The following AK4 variants were observed in gnomAD, a reference collection of about 807,000 sequenced individuals.
AK4 encodes adenylate kinase 4, mitochondrial.
A neutral mutation model predicts 24.6 loss-of-function variants in AK4; 13 were observed. That is an observed-to-expected ratio of 0.53 (90% CI 0.34 to 0.84). AK4 has a LOEUF of 0.84. Among genes scored for constraint, AK4 ranks in the 40% least tolerant of loss-of-function variants. The pLI is 0.01. For synonymous variants in AK4, 88 were observed against 107.0 expected (o/e 0.82, Z 1.10); for missense variants, 192 against 288.2 (o/e 0.67, Z 2.42).
intron 2 of AK4, among the ~76,000 whole-genome samples, chr1:65,216,097 A>T (rs1345945876): frequency 6.6e-6 from 1 of 152,040 alleles, no homozygotes; most frequent in Non-Finnish European, 1.5e-5. Flanking sequence ...ATTATGTATA[A>T]ATTATTTATT....
intron 1 of AK4, among the ~76,000 whole-genome samples, chr1:65,163,720 C>T (rs1453630558): frequency 6.6e-6 from 1 of 152,198 alleles, no homozygotes; most frequent in Non-Finnish European, 1.5e-5. Context: ...CCACGTAGAG[C>T]TGGCTGTACG....
chr1:65,155,492 G>A (rs913733645), intron 1 of AK4, among the ~76,000 whole-genome samples: 1 of 151,988 alleles, frequency 6.6e-6, no homozygotes, highest in Non-Finnish European at 1.5e-5. Flanking sequence ...ATAAAAAAAT[G>A]AAAAATATTT....
chr1:65,167,620 A>G (rs982529415), intron 1 of AK4, among the ~76,000 whole-genome samples: 3 of 152,198 alleles, frequency 2.0e-5, no homozygotes, highest in African/African-American at 7.2e-5. Context: ...AACACTATGC[A>G]TAACAATGAA....
At chr1:65,159,296 C>G (rs1650077331) in intron 1 of AK4, among the ~76,000 whole-genome samples, 1 of 152,222 alleles carries the variant, frequency 6.6e-6, no homozygotes, top group African/African-American at 2.4e-5. Flanking sequence ...AATTCCCACA[C>G]AGATCTCCAG....
In AK4 at chr1:65,148,286, G is replaced by A. The variant is rs1649633179; in HGVS notation, c.-122G>A. ...TCTCCTTCCCCCTGTAGGGGCGGCC[G>A]GCGAGTCCCAGTGAGAGCGGAGGGT... On this transcript the variant is annotated 5_prime_UTR_variant, in exon 1 of 5. Transcript: ENST00000327299. The A allele has an allele frequency of 1.5e-6, 2 of 1,352,348 alleles. No individual in the cohort carries two copies. Among genetic ancestry groups the A allele is most frequent in the Non-Finnish European group, 2.0e-6 (2 of 1,021,906 alleles). 83.8% of individuals were successfully genotyped at this position (1,352,348 alleles called of 1,614,324 possible).
chr1:65,184,280 T>A (rs1651013641), intron 1 of AK4, among the ~76,000 whole-genome samples: 1 of 152,228 alleles, frequency 6.6e-6, no homozygotes. Flanking sequence ...TCTATCTTTC[T>A]CTCTATATGA....
chr1:65,200,543 T>A (rs78458778), intron 2 of AK4, among the ~76,000 whole-genome samples: 342 of 152,296 alleles, frequency 2.2e-3, no homozygotes, highest in African/African-American at 8.0e-3. Context: ...ACTGCCATCT[T>A]CTTACACACT....
At chr1:65,214,763 G>A (rs539763782) in intron 2 of AK4, among the ~76,000 whole-genome samples, 26 of 152,232 alleles carry the variant, frequency 1.7e-4, no homozygotes, top group African/African-American at 4.8e-4. Flanking sequence ...TTTCCTTAGA[G>A]GTAAGATACT....
chr1:65,190,885 C>A, intron 2 of AK4, 56 bp downstream of exon 2: 14 of 1,586,350 alleles, frequency 8.8e-6, no homozygotes, highest in Non-Finnish European at 1.2e-5. Flanking sequence ...TAAGGTCTTG[C>A]ACACTCCCTT....
intron 1 of AK4, among the ~76,000 whole-genome samples, chr1:65,156,895 C>T (rs962911926): frequency 6.9e-6 from 1 of 144,886 alleles, no homozygotes; most frequent in African/African-American, 2.6e-5. Context: ...CACTGCACTC[C>T]AGCCTGGACG....
chr1:65,164,869 A>G (rs1650280036), intron 1 of AK4, among the ~76,000 whole-genome samples: 1 of 152,210 alleles, frequency 6.6e-6, no homozygotes, highest in African/African-American at 2.4e-5. Context: ...TCTGACTCAC[A>G]TTTTGAATAG....
intron 1 of AK4, among the ~76,000 whole-genome samples, chr1:65,162,489 T>C: frequency 6.6e-6 from 1 of 152,132 alleles, no homozygotes; most frequent in Non-Finnish European, 1.5e-5. Flanking sequence ...TTTTATTTTT[T>C]ATACGTAACA....
At chr1:65,157,284 G>T (rs1355381173) in intron 1 of AK4, among the ~76,000 whole-genome samples, 4 of 152,184 alleles carry the variant, frequency 2.6e-5, no homozygotes, top group Non-Finnish European at 5.9e-5. Flanking sequence ...GTCCCCTGTT[G>T]ATTGGAATTC....
chr1:65,218,361 G>A (rs565317265), intron 2 of AK4, among the ~76,000 whole-genome samples: 1 of 152,308 alleles, frequency 6.6e-6, no homozygotes, highest in East Asian at 1.9e-4. Context: ...AAGGACTAGA[G>A]CCAGGACTGG....
chr1:65,149,223 A>G (rs1382280072), intron 1 of AK4: 1 of 152,396 alleles, frequency 6.6e-6, no homozygotes, highest in Non-Finnish European at 1.5e-5. Context: ...TCGTTCTGAT[A>G]AATTACATTT....
intron 1 of AK4, among the ~76,000 whole-genome samples, chr1:65,175,052 AC>A (rs1650665662): frequency 6.6e-6 from 1 of 152,136 alleles, no homozygotes; most frequent in Non-Finnish European, 1.5e-5. Context: ...TTTGTGTGCC[AC>A]TTTTTATTTT....
chr1:65,171,468 C>T (rs1024285462), intron 1 of AK4, among the ~76,000 whole-genome samples: 11 of 151,692 alleles, frequency 7.3e-5, no homozygotes, highest in South Asian at 2.1e-4. Context: ...CCATCATGCC[C>T]GGCTAATTTT....
chr1:65,195,775 A>G (rs929498310), intron 2 of AK4, among the ~76,000 whole-genome samples: 2 of 152,216 alleles, frequency 1.3e-5, no homozygotes, highest in Non-Finnish European at 2.9e-5. Context: ...TTTTGTGACT[A>G]GTGTACAGGT....
At chr1:65,174,937 T>C (rs1468122596) in intron 1 of AK4, among the ~76,000 whole-genome samples, 3 of 152,256 alleles carry the variant, frequency 2.0e-5, no homozygotes, top group Non-Finnish European at 4.4e-5. Context: ...TTTTTTCTTT[T>C]TAAAATTTTT....
Sources: gnomAD v4.1 joint callset for allele counts (sites outside exome capture counted in the v4.1 genomes callset) on GRCh38, gnomAD v4.1.1 for gene constraint, MANE v1.5 for transcripts, NCBI Gene and HGNC (gene_info 2026-07-23, HGNC 2026-07-21) for gene names.